FRMD4A: variants seen among roughly 807,000 people sequenced by gnomAD.
FRMD4A encodes the protein FERM domain-containing protein 4A.
A neutral mutation model predicts 129.1 loss-of-function variants in FRMD4A; 29 were observed. The ratio of observed to expected loss-of-function variants is 0.22; its 90% confidence interval spans 0.17 to 0.31. FRMD4A has a LOEUF of 0.31. Ranked by LOEUF, FRMD4A falls within the 10% of genes least tolerant of loss-of-function variation. The pLI, the probability that FRMD4A is intolerant of heterozygous loss-of-function variation, is 1.00. For missense variants in FRMD4A, 1,272 were observed against 1,375.8 expected, an observed-to-expected ratio of 0.92 and a Z score of 1.19; for synonymous variants, 634 against 571.6, an observed-to-expected ratio of 1.11 and a Z score of -1.56.
intron 2 of FRMD4A, among the ~76,000 whole-genome samples, chr10:13,973,113 C>T (rs1187311545): frequency 2.0e-5 from 3 of 152,172 alleles, no homozygotes; most frequent in African/African-American, 7.2e-5. Context: ...GGAAATAATA[C>T]CTACCTCACT....
In FRMD4A at chr10:14,128,044, CCCT is replaced by C. The variant is rs1564319934; in HGVS notation, c.45+202011_45+202013del. ...CCTTCCTTCCTTCCTTCCTTTCTTT[CCCT>C]CTTTCTTTCTTTCTTTCTTTCTTTC... On this transcript the variant is annotated intron_variant, in intron 2 of 24. Transcript: ENST00000357447. 2.5e-3 allele frequency among the ~76,000 whole-genome samples: 282 copies of C among 112,912 alleles called. 5 individuals carry two copies. The highest frequency in any genetic ancestry group is 3.2e-3 in the South Asian group (10 of 3,128). 74.1% of individuals were successfully genotyped at this position (112,912 alleles called of 152,430 possible).
In FRMD4A at chr10:14,250,006, G is replaced by A. The variant is rs184386795; in HGVS notation, c.45+80052C>T. Reference sequence around the variant, plus strand: ...TTATTTGAGACAGAGTTTTGTTCTCGTTGCCCAGGCTGGTGTGATCTCGGC... The same window carrying A: ...TTATTTGAGACAGAGTTTTGTTCTCATTGCCCAGGCTGGTGTGATCTCGGC... On this transcript the variant is annotated intron_variant, in intron 2 of 24. Transcript: ENST00000357447. 2.4e-4 allele frequency among the ~76,000 whole-genome samples: 36 copies of A among 152,174 alleles called. No individual in the cohort carries two copies. In the East Asian group the frequency reaches 4.1e-3, roughly 17 times the overall value.
chr10:14,099,778 C>A (rs926993522), intron 2 of FRMD4A, among the ~76,000 whole-genome samples: 2 of 152,028 alleles, frequency 1.3e-5, no homozygotes, highest in African/African-American at 2.4e-5. Flanking sequence ...AATGATGGAG[C>A]CTGATAATTT....
At chr10:13,858,078 C>A (rs975408459) in intron 3 of FRMD4A, among the ~76,000 whole-genome samples, 3 of 152,168 alleles carry the variant, frequency 2.0e-5, no homozygotes, top group Admixed American at 6.5e-5. Context: ...GGTCGCTTAG[C>A]ACTTAGAAAG....
chr10:14,208,317 T>C (rs1324479823), intron 2 of FRMD4A, among the ~76,000 whole-genome samples: 1 of 152,180 alleles, frequency 6.6e-6, no homozygotes, highest in African/African-American at 2.4e-5. Context: ...ATAAAGTGTG[T>C]TGTTCAGGGT....
chr10:13,768,149 C>T (rs77506142), intron 6 of FRMD4A, among the ~76,000 whole-genome samples: 3,385 of 152,156 alleles, frequency 0.022, 141 homozygotes, highest in African/African-American at 0.078. Flanking sequence ...CACTTCCTCC[C>T]ACGCCGTGTT....
intron 2 of FRMD4A, among the ~76,000 whole-genome samples, chr10:13,871,373 T>C (rs1229214805): frequency 6.6e-6 from 1 of 151,000 alleles, no homozygotes; most frequent in Non-Finnish European, 1.5e-5. Context: ...ACAGGAAGAG[T>C]TTGTGTTGTG....
At chr10:13,652,837 G>A (rs72767570) in intron 23 of FRMD4A, 62,107 of 151,998 alleles carry the variant, frequency 0.41, 13,560 homozygotes, top group East Asian at 0.83. Context: ...GATTTTTTTT[G>A]TGTTACAGGT....
chr10:13,920,785 GA>G (rs2095061815), intron 2 of FRMD4A, among the ~76,000 whole-genome samples: 1 of 152,118 alleles, frequency 6.6e-6, no homozygotes, highest in African/African-American at 2.4e-5. Flanking sequence ...GTTTGGGCTT[GA>G]AAGCCAATTT....
At chr10:13,819,214 T>C (rs151125619) in intron 3 of FRMD4A, among the ~76,000 whole-genome samples, 31 of 152,186 alleles carry the variant, frequency 2.0e-4, no homozygotes, top group Non-Finnish European at 3.8e-4. Flanking sequence ...GACCACCCTA[T>C]GAACCCAGCC....
chr10:14,040,365 G>A (rs968160036), intron 2 of FRMD4A, among the ~76,000 whole-genome samples: 9 of 152,052 alleles, frequency 5.9e-5, no homozygotes, highest in African/African-American at 2.2e-4. Flanking sequence ...GTGTAGCAGG[G>A]CTGTAGGGGT....
rs1162846396 is a variant in FRMD4A at position 13,793,172 on chromosome 10, C to CTT, written c.299+3322_299+3323dup. On this transcript the variant is annotated intron_variant, in intron 5 of 24. Transcript: ENST00000357447. ...TTATCTTTTCCATGACCCTCTGTTTCTTTTTTTTTTTTTTTGTGAGATGGG... is the reference window on the plus strand; with the variant it reads ...TTATCTTTTCCATGACCCTCTGTTTCTTTTTTTTTTTTTTTTTGTGAGATGGG... Among the ~76,000 whole-genome samples the CTT allele has an allele frequency of 3.5e-3, 487 of 140,908 alleles. 3 individuals are homozygous for CTT. The highest frequency in any genetic ancestry group is 0.014 in the South Asian group (62 of 4,448). The allele number at this position is 140,908 out of a possible 152,430, so 92.4% of individuals were successfully genotyped here. A position where few individuals can be genotyped will look rare whatever the true frequency, so the allele number is the denominator to read the frequency against.
intron 2 of FRMD4A, among the ~76,000 whole-genome samples, chr10:14,097,411 C>G (rs1304329219): frequency 6.6e-6 from 1 of 152,036 alleles, no homozygotes; most frequent in East Asian, 1.9e-4. Context: ...ATTTCCTGAG[C>G]ACTAACTACG....
At chr10:13,747,045 T>C (rs570440370) in intron 9 of FRMD4A, among the ~76,000 whole-genome samples, 3 of 152,176 alleles carry the variant, frequency 2.0e-5, no homozygotes, top group African/African-American at 7.2e-5. Context: ...TTCTCCCACG[T>C]CTCAAAACCT....
intron 2 of FRMD4A, chr10:14,326,788 T>C: frequency 2.5e-6 from 1 of 398,540 alleles, no homozygotes; most frequent in Admixed American, 4.4e-5. Flanking sequence ...GCCAAGAGCT[T>C]CCCGCTCTAC....
In FRMD4A at chr10:13,696,065, C is replaced by G. The variant is rs1564631518; in HGVS notation, c.976-2026G>C. Among the ~76,000 whole-genome samples, 4 of 152,338 alleles carry G rather than the reference C, an allele frequency of 2.6e-5. No individual in the cohort carries two copies. The South Asian group carries it at 8.3e-4, about 32-fold the overall frequency. On this transcript the variant is annotated intron_variant, in intron 14 of 24. Coordinates refer to ENST00000357447, the MANE Select transcript of FRMD4A (RefSeq NM_018027.5). ...CCTCCTCCCTACCCCGTGGGCCTTTCCTCGACTTATGCTTCCTTGCTAACC... is the reference window on the plus strand; with the variant it reads ...CCTCCTCCCTACCCCGTGGGCCTTTGCTCGACTTATGCTTCCTTGCTAACC...
chr10:14,181,075 G>A (rs576474552), intron 2 of FRMD4A, among the ~76,000 whole-genome samples: 1 of 152,282 alleles, frequency 6.6e-6, no homozygotes, highest in South Asian at 2.1e-4. Context: ...AAGTTAATTG[G>A]AATCTAGCCC....
chr10:13,746,792 G>T (rs2091312389), intron 9 of FRMD4A, among the ~76,000 whole-genome samples: 1 of 152,184 alleles, frequency 6.6e-6, no homozygotes, highest in South Asian at 2.1e-4. Flanking sequence ...AAGGTCAGTG[G>T]CCAGGGCTTA....
chr10:14,152,782 G>C (rs1840405539), intron 2 of FRMD4A, among the ~76,000 whole-genome samples: 1 of 152,088 alleles, frequency 6.6e-6, no homozygotes, highest in African/African-American at 2.4e-5. Flanking sequence ...TGAGGCTGCT[G>C]TGAGCTATGA....
Sources: gnomAD v4.1 joint callset for allele counts (sites outside exome capture counted in the v4.1 genomes callset) on GRCh38, gnomAD v4.1.1 for gene constraint, MANE v1.5 for transcripts, NCBI Gene and HGNC (gene_info 2026-07-23, HGNC 2026-07-21) for gene names.